NHSL2: variants seen among roughly 807,000 people sequenced by gnomAD.
NHSL2 encodes NHS like 2.
In NHSL2, 27 loss-of-function variants were observed where a neutral mutation model predicts 53.4. That is an observed-to-expected ratio of 0.51 (90% CI 0.37 to 0.70). The LOEUF is 0.70. Among genes scored for constraint, NHSL2 ranks in the 30% least tolerant of loss-of-function variants. The pLI, the probability that NHSL2 is intolerant of heterozygous loss-of-function variation, is 0.00. For synonymous variants in NHSL2, 408 were observed against 404.1 expected (o/e 1.01, Z -0.12); for missense variants, 892 against 980.1 (o/e 0.91, Z 1.20).
At chrX:71,964,623 A>G (rs1022810336) in intron 1 of NHSL2, among the ~76,000 whole-genome samples, 4 of 111,555 alleles carry the variant, frequency 3.6e-5, no homozygotes, top group African/African-American at 1.3e-4. Flanking sequence ...AGTTCCCTAG[A>G]TCAGTATTTG....
intron 1 of NHSL2, among the ~76,000 whole-genome samples, chrX:71,912,642 C>G (rs908407568): frequency 1.2e-4 from 13 of 111,334 alleles, no homozygotes; most frequent in Admixed American, 7.6e-4. Flanking sequence ...GAACTGAGTC[C>G]TATTGGAAAA....
At chrX:71,938,564 C>T (rs1242055017) in intron 1 of NHSL2, among the ~76,000 whole-genome samples, 4 of 112,113 alleles carry the variant, frequency 3.6e-5, no homozygotes, top group Non-Finnish European at 5.6e-5. Flanking sequence ...TGAAGGGAGG[C>T]GAGTAGGGTT....
At chrX:72,024,951 A>G (rs1056335619) in intron 1 of NHSL2, among the ~76,000 whole-genome samples, 1 of 112,528 alleles carries the variant, frequency 8.9e-6, no homozygotes, top group East Asian at 2.8e-4. Context: ...ATTGTTATTA[A>G]CTATAGTTGC....
chrX:72,131,462 C>A (rs1208319217), intron 1 of NHSL2: 1 of 1,208,794 alleles, frequency 8.3e-7, no homozygotes, highest in East Asian at 3.0e-5. Flanking sequence ...GCATTCTCCC[C>A]GCGAAGGGCA....
In NHSL2 at chrX:71,939,732, C is replaced by G. The variant is rs1252756195; in HGVS notation, c.280+28365C>G. On this transcript the variant is annotated intron_variant, in intron 1 of 7. Coordinates refer to ENST00000633930, the MANE Select transcript of NHSL2 (RefSeq NM_001013627.3). ...ACCTAAAACGAGAATATTAACACTA[C>G]CTTCCTTTTAATGATTAAGTGAAAT... Among the ~76,000 whole-genome samples, 3 of 111,944 alleles carry G rather than the reference C, an allele frequency of 2.7e-5. No individual in the cohort carries two copies. In the East Asian group the frequency reaches 8.3e-4, roughly 31 times the overall value.
chrX:72,009,411 A>G (rs2042107065), intron 1 of NHSL2, among the ~76,000 whole-genome samples: 1 of 112,889 alleles, frequency 8.9e-6, no homozygotes, highest in Non-Finnish European at 1.9e-5. Flanking sequence ...TGCCATCCAC[A>G]CAGGTCAGCC....
In NHSL2 at chrX:72,153,027, TCTC is replaced by T. The variant is rs1159520615; in HGVS notation, c.*9456_*9458del. On this transcript the variant is annotated 3_prime_UTR_variant, in exon 8 of 8. Coordinates refer to ENST00000633930, the MANE Select transcript of NHSL2 (RefSeq NM_001013627.3). ...AACTGGAAGGTACAGGAAAGACACA[TCTC>T]CTAGAGCTGGGAATGTGTCCCTAAC... 8.9e-6 allele frequency: 1 copy of T among 111,792 alleles called. No individual in the cohort carries two copies. Among genetic ancestry groups the T allele is most frequent in the African/African-American group, 3.3e-5 (1 of 30,639 alleles). 9.2% of individuals were successfully genotyped at this position (111,792 alleles called of 1,213,427 possible).
chrX:71,987,440 C>T (rs2042008079), intron 1 of NHSL2, among the ~76,000 whole-genome samples: 1 of 111,396 alleles, frequency 9.0e-6, no homozygotes, highest in South Asian at 3.8e-4. Context: ...TATCTAGAAT[C>T]TAATGCTCCA....
chrX:72,119,731 C>T (rs924558901), intron 1 of NHSL2, among the ~76,000 whole-genome samples: 1 of 111,910 alleles, frequency 8.9e-6, no homozygotes, highest in African/African-American at 3.2e-5. Flanking sequence ...ATCCATATGC[C>T]TTTTATTTCT....
intron 1 of NHSL2, among the ~76,000 whole-genome samples, chrX:72,005,117 T>C (rs1264919555): frequency 4.5e-5 from 5 of 111,438 alleles, no homozygotes; most frequent in African/African-American, 1.3e-4. Context: ...AATGAATGAG[T>C]ATCTATATTA....
chrX:72,030,275 TA>T (rs2042207744), intron 1 of NHSL2, among the ~76,000 whole-genome samples: 1 of 112,125 alleles, frequency 8.9e-6, no homozygotes, highest in African/African-American at 3.3e-5. Context: ...TCCTGTGCAA[TA>T]AAAAATGCAC....
intron 1 of NHSL2, among the ~76,000 whole-genome samples, chrX:72,046,639 C>T (rs1028505340): frequency 9.0e-6 from 1 of 111,159 alleles, no homozygotes; most frequent in Non-Finnish European, 1.9e-5. Flanking sequence ...CATCTGGATT[C>T]TGGCTCCCAA....
intron 1 of NHSL2, among the ~76,000 whole-genome samples, chrX:72,011,527 A>G (rs1186456247): frequency 1.8e-5 from 2 of 111,398 alleles, no homozygotes; most frequent in Non-Finnish European, 3.8e-5. Flanking sequence ...AAGATTAGCC[A>G]GGCGTGGTGG....
intron 1 of NHSL2, among the ~76,000 whole-genome samples, chrX:72,005,190 C>T (rs1245170782): frequency 8.9e-6 from 1 of 112,482 alleles, no homozygotes; most frequent in Admixed American, 9.3e-5. Flanking sequence ...TGGTCTTCAA[C>T]TCCTGGCCTC....
intron 1 of NHSL2, among the ~76,000 whole-genome samples, chrX:71,939,055 C>T (rs182011175): frequency 8.9e-6 from 1 of 112,457 alleles, no homozygotes; most frequent in East Asian, 2.8e-4. Flanking sequence ...GGTAATAAGG[C>T]AATGGCAGCT....
chrX:72,003,078 T>C (rs2042078795), intron 1 of NHSL2, among the ~76,000 whole-genome samples: 1 of 109,161 alleles, frequency 9.2e-6, no homozygotes. Context: ...TGGGAAAACA[T>C]GGAGAAATTA....
chrX:72,006,826 T>C (rs2042096522), intron 1 of NHSL2, among the ~76,000 whole-genome samples: 1 of 112,723 alleles, frequency 8.9e-6, no homozygotes, highest in African/African-American at 3.2e-5. Context: ...ATTACAGGTA[T>C]GAGCCACTGC....
intron 1 of NHSL2, among the ~76,000 whole-genome samples, chrX:71,968,969 G>A (rs931229923): frequency 4.5e-5 from 5 of 111,563 alleles, no homozygotes; most frequent in Non-Finnish European, 7.5e-5. Flanking sequence ...AATCCCCCAA[G>A]TTTGCTGTTC....
At chrX:71,921,143 C>A (rs2041656410) in intron 1 of NHSL2, among the ~76,000 whole-genome samples, 1 of 108,806 alleles carries the variant, frequency 9.2e-6, no homozygotes, top group Admixed American at 9.6e-5. Context: ...AGGGGTTGGG[C>A]ACAGTGGCTC....
Sources: gnomAD v4.1 joint callset for allele counts (sites outside exome capture counted in the v4.1 genomes callset) on GRCh38, gnomAD v4.1.1 for gene constraint, MANE v1.5 for transcripts, NCBI Gene and HGNC (gene_info 2026-07-23, HGNC 2026-07-21) for gene names.